MAP3K15: variants seen among roughly 807,000 people sequenced by gnomAD.
The protein encoded by MAP3K15 is mitogen-activated protein kinase kinase kinase 15.
Under a neutral mutation model 99.5 loss-of-function variants are expected in MAP3K15, and 124 were observed. The ratio of observed to expected loss-of-function variants is 1.25; its 90% CI spans 1.08 to 1.45. The LOEUF is 1.45. Ranked by LOEUF, MAP3K15 falls within the 40% of genes most tolerant of loss-of-function variation. The pLI, the probability that MAP3K15 is intolerant of heterozygous loss-of-function variation, is 0.00. For missense variants in MAP3K15, 1,242 were observed against 1,079.7 expected, an observed-to-expected ratio of 1.15 and a Z score of -2.11; for synonymous variants, 494 against 439.6, an observed-to-expected ratio of 1.12 and a Z score of -1.55.
chrX:19,478,406 C>G (rs1409594106), intron 3 of MAP3K15, among the ~76,000 whole-genome samples: 3 of 106,241 alleles, frequency 2.8e-5, no homozygotes, highest in Non-Finnish European at 5.8e-5. Flanking sequence ...GTCTTTCTAC[C>G]AAAGCGTCCC....
intron 1 of MAP3K15, among the ~76,000 whole-genome samples, chrX:19,504,943 G>A (rs756193193): frequency 3.6e-5 from 3 of 83,082 alleles, no homozygotes; most frequent in Admixed American, 2.8e-4. Flanking sequence ...GCAACAGAGC[G>A]AGACCTCCTC....
intron 4 of MAP3K15, among the ~76,000 whole-genome samples, chrX:19,463,699 C>T: frequency 9.0e-6 from 1 of 111,334 alleles, no homozygotes; most frequent in Admixed American, 9.6e-5. Context: ...CCTCACCTAA[C>T]CTAAATCTAA....
chrX:19,373,183 CAGG>C (rs2063389958), intron 21 of MAP3K15: 7 of 195,486 alleles, frequency 3.6e-5, no homozygotes, highest in East Asian at 9.7e-5. Context: ...GAGGAGGGGC[CAGG>C]AGGAGGAGGG....
intron 6 of MAP3K15, among the ~76,000 whole-genome samples, chrX:19,436,302 C>G (rs1238504630): frequency 4.5e-5 from 5 of 111,387 alleles, no homozygotes; most frequent in South Asian, 3.8e-4. Flanking sequence ...CCACTCCCTT[C>G]TCACTCCTTG....
chrX:19,388,220 G>A (rs967305510), intron 18 of MAP3K15, among the ~76,000 whole-genome samples: 1 of 111,927 alleles, frequency 8.9e-6, no homozygotes, highest in Admixed American at 9.5e-5. Flanking sequence ...TGGCACAATC[G>A]GCTCATGCAA....
intron 3 of MAP3K15, among the ~76,000 whole-genome samples, chrX:19,473,484 A>C (rs1210940529): frequency 1.8e-5 from 2 of 112,652 alleles, no homozygotes; most frequent in African/African-American, 6.4e-5. Flanking sequence ...TATAAGTGGA[A>C]ACATCTCAAG....
Position 19,360,067 on chromosome X carries a change from A to ACAATATTTATTAT in MAP3K15, c.*669_*681dup, listed in dbSNP as rs1243704782. 6.3e-5 allele frequency: 12 copies of ACAATATTTATTAT among 189,914 alleles called. No individual in the cohort carries two copies. Among genetic ancestry groups the ACAATATTTATTAT allele is most frequent in the African/African-American group, 2.4e-4 (8 of 32,848 alleles). The allele number at this position is 189,914 out of a possible 1,213,427, so 15.7% of individuals were successfully genotyped here. A position where few individuals can be genotyped will look rare whatever the true frequency, so the allele number is the denominator to read the frequency against. ...CGCGCTGACCATTTCTCTACAAGAT[A>ACAATATTTATTAT]CAATATTTATTATCAGGCAAGAGGA... On this transcript the variant is annotated 3_prime_UTR_variant, in exon 29 of 29. Transcript: ENST00000338883.
At chrX:19,372,864 C>G (rs5955762) in intron 21 of MAP3K15, 37 bp from the exon 22 acceptor site, 2 of 1,179,151 alleles carry the variant, frequency 1.7e-6, no homozygotes, top group Non-Finnish European at 2.3e-6. Flanking sequence ...CTGTGCGTGC[C>G]GGGGCACTGT....
intron 18 of MAP3K15, among the ~76,000 whole-genome samples, chrX:19,391,012 C>G (rs1333571459): frequency 8.9e-6 from 1 of 111,890 alleles, no homozygotes; most frequent in Non-Finnish European, 1.9e-5. Context: ...GACCATCATT[C>G]TACTTATTGA....
At chrX:19,497,689 C>T (rs2064415759) in intron 1 of MAP3K15, 1 of 111,091 alleles carries the variant, frequency 9.0e-6, no homozygotes. Flanking sequence ...ATATTAATGG[C>T]CATACAAGGT....
At chrX:19,433,455 G>A (rs929425431) in intron 6 of MAP3K15, among the ~76,000 whole-genome samples, 1 of 111,020 alleles carries the variant, frequency 9.0e-6, no homozygotes, top group Non-Finnish European at 1.9e-5. Context: ...TTAGACATCA[G>A]AGTTCCTGGA....
At chrX:19,456,358 C>T (rs954894801) in intron 6 of MAP3K15, among the ~76,000 whole-genome samples, 3 of 111,462 alleles carry the variant, frequency 2.7e-5, no homozygotes, top group African/African-American at 9.8e-5. Flanking sequence ...GCGAACACGA[C>T]GATGAATGAC....
chrX:19,474,683 G>A (rs1040378956), intron 3 of MAP3K15, among the ~76,000 whole-genome samples: 2 of 110,319 alleles, frequency 1.8e-5, no homozygotes, highest in Non-Finnish European at 1.9e-5. Flanking sequence ...TTGAGACTTT[G>A]TTGGTAACAG....
chrX:19,402,913 G>T (rs776885883), intron 13 of MAP3K15, among the ~76,000 whole-genome samples: 2 of 111,724 alleles, frequency 1.8e-5, no homozygotes, highest in Non-Finnish European at 3.8e-5. Context: ...CGATCCTCCT[G>T]CCTTGGCCTC....
chrX:19,390,134 C>T (rs1158469001), intron 18 of MAP3K15, among the ~76,000 whole-genome samples: 1 of 110,118 alleles, frequency 9.1e-6, no homozygotes, highest in Admixed American at 9.8e-5. Context: ...GTGGCTGACA[C>T]GCGACAACTC....
chrX:19,435,892 G>T (rs1239769743), intron 6 of MAP3K15, among the ~76,000 whole-genome samples: 1 of 112,400 alleles, frequency 8.9e-6, no homozygotes, highest in East Asian at 2.8e-4. Flanking sequence ...GGTGGCTCAC[G>T]CCTGTAATCC....
At chrX:19,498,913 T>C (rs1411742044) in intron 1 of MAP3K15, among the ~76,000 whole-genome samples, 1 of 112,286 alleles carries the variant, frequency 8.9e-6, no homozygotes, top group Non-Finnish European at 1.9e-5. Flanking sequence ...CAGGCAACCA[T>C]AAAAGAATAA....
At position 19,515,048 on chromosome X, in the gene MAP3K15, G is replaced by A; in HGVS notation, c.214C>T (p.Gln72Ter). ...TCCGGGCCGCCGGCCGCGCCGCCCT[G>A]GGAGCTCTCACTGCGCACGTATACT... The part of the protein sequence containing the change: ...RAVYVRSESS[Q>*]GGAAGGPEAG... Residue 72 changes from glutamine to a stop codon, truncating the protein, a stop_gained, in exon 1 of 29, where the codon CAG (glutamine) becomes TAG (stop). Coordinates refer to ENST00000338883, the MANE Select transcript of MAP3K15 (RefSeq NM_001001671.4). LOFTEE classifies it high-confidence loss of function. 9.8e-7 allele frequency: 1 copy of A among 1,017,785 alleles called. No individual in the cohort carries two copies. The highest frequency in any genetic ancestry group is 2.2e-5 in the South Asian group (1 of 44,920). 83.9% of individuals were successfully genotyped at this position (1,017,785 alleles called of 1,213,427 possible). A position where few individuals can be genotyped will look rare whatever the true frequency, so the allele number is the denominator to read the frequency against.
intron 1 of MAP3K15, among the ~76,000 whole-genome samples, chrX:19,505,968 C>T (rs1427149439): frequency 9.1e-6 from 1 of 109,869 alleles, no homozygotes; most frequent in Admixed American, 9.8e-5. Flanking sequence ...GTTTCACTCT[C>T]GTTGCTCAGG....
Sources: allele counts gnomAD v4.1 joint callset (sites outside exome capture counted in the v4.1 genomes callset), GRCh38; gene constraint gnomAD v4.1.1; transcripts MANE v1.5; gene names NCBI Gene and HGNC (gene_info 2026-07-23, HGNC 2026-07-21).